The following XG variants were observed in gnomAD, a reference collection of about 807,000 sequenced individuals.
The protein encoded by XG is glycoprotein Xg.
A neutral mutation model predicts 25.7 loss-of-function variants in XG; 24 were observed. That is an observed-to-expected ratio of 0.93 (90% CI 0.68 to 1.31). XG has a LOEUF of 1.31. Ranked by LOEUF, XG falls within the 40% of genes most tolerant of loss-of-function variation. The pLI is 0.00. For missense variants in XG, 181 were observed against 187.6 expected (o/e 0.96, Z 0.21); for synonymous variants, 77 against 69.2 (o/e 1.11, Z -0.56).
intron 1 of XG, among the ~76,000 whole-genome samples, chrX:2,768,574 C>G (rs1301493363): frequency 6.6e-6 from 1 of 152,106 alleles, no homozygotes; most frequent in African/African-American, 2.4e-5. Flanking sequence ...TCGAGACCAG[C>G]CTGGCCAACA....
At chrX:2,779,708 G>A (rs767356135) in intron 3 of XG, among the ~76,000 whole-genome samples, 8 of 152,126 alleles carry the variant, frequency 5.3e-5, no homozygotes, top group South Asian at 4.2e-4. Context: ...GTGCAGTGGC[G>A]TGATCTTGGC....
intron 5 of XG, among the ~76,000 whole-genome samples, chrX:2,790,714 C>T (rs1375517782): frequency 2.7e-5 from 3 of 111,389 alleles, no homozygotes; most frequent in Non-Finnish European, 3.8e-5. Context: ...GCAGGAGAAT[C>T]GCTTGAACCC....
intron 1 of XG, among the ~76,000 whole-genome samples, chrX:2,756,736 G>A (rs1368451959): frequency 1.3e-5 from 2 of 152,184 alleles, no homozygotes; most frequent in Admixed American, 6.5e-5. Flanking sequence ...ACAGGGGTGT[G>A]TTTGATCTGT....
At chrX:2,810,109 G>C (rs758596157) in intron 9 of XG, among the ~76,000 whole-genome samples, 7 of 111,655 alleles carry the variant, frequency 6.3e-5, no homozygotes, top group South Asian at 3.8e-4. Context: ...GCAGGTTCTT[G>C]CGTTCAGTGA....
intron 1 of XG, among the ~76,000 whole-genome samples, chrX:2,764,340 A>G (rs2050629461): frequency 6.6e-6 from 1 of 152,152 alleles, no homozygotes; most frequent in Admixed American, 6.5e-5. Flanking sequence ...TGCTTTTCTA[A>G]TAAACTTGCT....
intron 7 of XG, among the ~76,000 whole-genome samples, chrX:2,799,365 C>T (rs1414014496): frequency 1.8e-5 from 2 of 111,033 alleles, no homozygotes; most frequent in Non-Finnish European, 3.8e-5. Context: ...GTTAAGGGCG[C>T]GCCCCAGGAG....
Position 2,782,726 on chromosome X carries a change from T to G in XG, c.190+598T>G, listed in dbSNP as rs1348227575. On this transcript the variant is annotated intron_variant, in intron 4 of 10. Transcript: ENST00000644266. ...GGCTGCAAAATATCTCAAGCACCGA[T>G]CTTAGGTTTTACAATAGTGATGTTA... 3.6e-5 allele frequency among the ~76,000 whole-genome samples: 4 copies of G among 111,577 alleles called. No homozygotes were observed. The Admixed American group carries it at 3.8e-4, about 11-fold the overall frequency.
At chrX:2,803,937 G>C (rs5982862) in intron 7 of XG, among the ~76,000 whole-genome samples, 21,289 of 109,597 alleles carry the variant, frequency 0.19, 1,700 homozygotes, top group African/African-American at 0.28. Flanking sequence ...CTGCCTCCCT[G>C]GTTCAAGCAA....
intron 5 of XG, among the ~76,000 whole-genome samples, chrX:2,790,938 A>C (rs1045803078): frequency 9.6e-6 from 1 of 104,340 alleles, no homozygotes; most frequent in African/African-American, 3.4e-5. Context: ...ATCCACCAGC[A>C]CCTGGGGATT....
At chrX:2,793,828 A>T (rs769172450) in intron 5 of XG, among the ~76,000 whole-genome samples, 1 of 111,836 alleles carries the variant, frequency 8.9e-6, no homozygotes, top group Non-Finnish European at 1.9e-5. Flanking sequence ...GGCCACTGCC[A>T]ACGTGAGGGC....
intron 6 of XG, among the ~76,000 whole-genome samples, chrX:2,795,115 T>A (rs1273582006): frequency 9.1e-6 from 1 of 109,624 alleles, no homozygotes; most frequent in Non-Finnish European, 1.9e-5. Context: ...CTTTCTCTGT[T>A]TTTATATATG....
chrX:2,752,307 G>C lies in XG; in HGVS notation c.33G>C (p.Ala11=), dbSNP rs144280532. The change falls in exon 1 of 11, where the codon GCG becomes GCC. Residue 11 remains alanine (A), a synonymous_variant. Coordinates refer to ENST00000644266, the MANE Select transcript of XG (RefSeq NM_001141919.2). MESWWGLPCL[A]FLCFLMHARG... ...GCTGGTGGGGACTTCCCTGTCTTGC[G>C]TTCCTGTGTTTTCTAATGCACGCCC... 2.4e-5 allele frequency: 39 copies of C among 1,613,586 alleles called. No individual in the cohort carries two copies. The highest frequency in any genetic ancestry group is 3.2e-5 in the Non-Finnish European group (38 of 1,179,874).
intron 1 of XG, among the ~76,000 whole-genome samples, chrX:2,768,157 G>C (rs1410268898): frequency 1.3e-5 from 2 of 152,148 alleles, no homozygotes; most frequent in Non-Finnish European, 2.9e-5. Context: ...GAGGCCTTTG[G>C]TTATTTAGGG....
chrX:2,772,527 G>A (rs938854945), intron 2 of XG, among the ~76,000 whole-genome samples: 4 of 152,160 alleles, frequency 2.6e-5, no homozygotes, highest in African/African-American at 9.7e-5. Context: ...GAGACAGAAA[G>A]TGGATTAGCG....
chrX:2,797,311 A>T lies in XG; in HGVS notation c.324A>T (p.Gly108=), dbSNP rs746959859. The T allele has an allele frequency of 8.4e-7, 1 of 1,194,599 alleles. No individual in the cohort carries two copies. The highest frequency in any genetic ancestry group is 1.1e-6 in the Non-Finnish European group (1 of 884,730). Residue 108 remains glycine (G), a splice_region_variant and synonymous_variant, in exon 7 of 11, where the codon GGA becomes GGT. Transcript: ENST00000644266. The part of the protein sequence containing the change: ...PPRPRPRPPA[G]GGGGGYSSYG... ...AACTCTACCTTCTCTGTCTAACAGG[A>T]GGTGGCGGCGGTGGCTACTCCAGTT...
chrX:2,797,758 G>T (rs184756705), intron 7 of XG, among the ~76,000 whole-genome samples: 1 of 111,485 alleles, frequency 9.0e-6, no homozygotes, highest in Non-Finnish European at 1.9e-5. Flanking sequence ...ATGGCTGGGC[G>T]CGGTGGCTCA....
chrX:2,802,923 T>G (rs771762162), intron 7 of XG, among the ~76,000 whole-genome samples: 2 of 111,482 alleles, frequency 1.8e-5, no homozygotes, highest in Non-Finnish European at 3.8e-5. Context: ...GTTTGAATGT[T>G]AAGCTGGAAC....
chrX:2,815,689 T>C lies in XG; in HGVS notation c.*1309T>C, dbSNP rs2087097619. On this transcript the variant is annotated 3_prime_UTR_variant, in exon 11 of 11. Coordinates refer to ENST00000644266, the MANE Select transcript of XG (RefSeq NM_001141919.2). ...GTCCTGCAACACTTTTCAATTCTTGTAGAAGGTTTTTTTCAGGAGTGGTGA... is the reference window on the plus strand; with the variant it reads ...GTCCTGCAACACTTTTCAATTCTTGCAGAAGGTTTTTTTCAGGAGTGGTGA... The C allele has an allele frequency of 1.8e-5, 2 of 110,850 alleles. No homozygotes were observed. The highest frequency in any genetic ancestry group is 6.5e-5 in the African/African-American group (2 of 30,556). The allele number at this position is 110,850 out of a possible 1,213,427, so 9.1% of individuals were successfully genotyped here. A position where few individuals can be genotyped will look rare whatever the true frequency, so the allele number is the denominator to read the frequency against.
chrX:2,805,998 T>C (rs777577811), intron 7 of XG, among the ~76,000 whole-genome samples: 1 of 112,198 alleles, frequency 8.9e-6, no homozygotes, highest in African/African-American at 3.2e-5. Flanking sequence ...TAAAAATTGC[T>C]CTTAACACAT....
Sources: allele counts gnomAD v4.1 joint callset (sites outside exome capture counted in the v4.1 genomes callset), GRCh38; gene constraint gnomAD v4.1.1; transcripts MANE v1.5; gene names NCBI Gene and HGNC (gene_info 2026-07-23, HGNC 2026-07-21).